Variants in TPD52 observed in about 807,000 individuals in gnomAD.
TPD52 encodes the protein prostate and colon associated protein.
In TPD52, 17 loss-of-function variants were observed where a neutral mutation model predicts 31.3. That is an observed-to-expected ratio of 0.54 (90% CI 0.37 to 0.82). The LOEUF (loss-of-function observed/expected upper bound fraction) is 0.82. TPD52 is among the 40% of genes least tolerant of loss of function. TPD52 has a pLI of 0.00. For missense variants in TPD52, 212 were observed against 240.1 expected (o/e 0.88, Z 0.77); for synonymous variants, 83 against 89.6 (o/e 0.93, Z 0.42).
chr8:80,128,448 A>T (rs190310267), intron 1 of TPD52, among the ~76,000 whole-genome samples: 1 of 143,658 alleles, frequency 7.0e-6, no homozygotes, highest in Admixed American at 7.1e-5. Context: ...TGAGCTCAGG[A>T]GTTCAAGACC....
chr8:80,091,130 G>T (rs1816224753), intron 1 of TPD52, among the ~76,000 whole-genome samples: 1 of 152,154 alleles, frequency 6.6e-6, no homozygotes, highest in Admixed American at 6.5e-5. Context: ...GAAGTCTCAA[G>T]AATGCCTGAA....
intron 7 of TPD52, among the ~76,000 whole-genome samples, chr8:80,040,585 T>C (rs1030181775): frequency 1.3e-5 from 2 of 152,210 alleles, no homozygotes; most frequent in African/African-American, 4.8e-5. Flanking sequence ...AATCTAAATA[T>C]ATTCAGGAGA....
intron 1 of TPD52, among the ~76,000 whole-genome samples, chr8:80,079,164 G>A (rs1814941182): frequency 6.6e-5 from 10 of 152,136 alleles, no homozygotes; most frequent in Admixed American, 5.2e-4. Context: ...GAAGGGGGCT[G>A]GGCAAAGGGG....
At chr8:80,063,939 G>A (rs1454180304) in intron 2 of TPD52, among the ~76,000 whole-genome samples, 12 of 125,984 alleles carry the variant, frequency 9.5e-5, no homozygotes, top group Non-Finnish European at 1.7e-4. Context: ...GAGGGGGGGC[G>A]GAAAGAGAAA....
chr8:80,098,573 G>A (rs1324960577), intron 1 of TPD52, among the ~76,000 whole-genome samples: 1 of 152,244 alleles, frequency 6.6e-6, no homozygotes, highest in Non-Finnish European at 1.5e-5. Context: ...CTGGATATGT[G>A]ATTGAATAGC....
chr8:80,097,215 G>A (rs1806401573), intron 1 of TPD52, among the ~76,000 whole-genome samples: 1 of 152,226 alleles, frequency 6.6e-6, no homozygotes, highest in African/African-American at 2.4e-5. Flanking sequence ...GCTAAGAAAG[G>A]TGAGGAAGCT....
intron 1 of TPD52, among the ~76,000 whole-genome samples, chr8:80,123,655 G>A (rs1465245884): frequency 6.6e-6 from 1 of 152,216 alleles, no homozygotes; most frequent in Non-Finnish European, 1.5e-5. Context: ...AGATTCTGAT[G>A]CTGGCGGGAA....
At chr8:80,155,385 C>G (rs1378746068) in intron 1 of TPD52, among the ~76,000 whole-genome samples, 1 of 152,084 alleles carries the variant, frequency 6.6e-6, no homozygotes, top group Non-Finnish European at 1.5e-5. Context: ...GCAAGTGCAA[C>G]AATGCAGAGG....
At chr8:80,107,811 T>C (rs1254070459) in intron 1 of TPD52, among the ~76,000 whole-genome samples, 3 of 152,196 alleles carry the variant, frequency 2.0e-5, no homozygotes, top group African/African-American at 7.2e-5. Flanking sequence ...AGCTAGTTTT[T>C]AAATTGTCGG....
chr8:80,143,653 G>T (rs557759214), intron 1 of TPD52, among the ~76,000 whole-genome samples: 8 of 152,258 alleles, frequency 5.3e-5, no homozygotes, highest in African/African-American at 1.9e-4. Context: ...TTAACAAAAT[G>T]TCCATCATTT....
In TPD52 at chr8:80,127,044, GGCTGCAGGGAGCTGAGA is replaced by G. The variant is rs1350032291; in HGVS notation, c.19+44364_19+44380del. On this transcript the variant is annotated intron_variant, in intron 1 of 7. Transcript: ENST00000518937. The stretch of plus-strand genomic sequence containing the variant: ...GGATCACCTGAGCTCAGGAGGCCAA[GGCTGCAGGGAGCTGAGA>G]TCATGCCACTGTATTCTAGAGCCTG... Among the ~76,000 whole-genome samples the G allele has an allele frequency of 2.0e-5, 3 of 151,990 alleles. No homozygotes were observed. In the East Asian group the frequency reaches 5.8e-4, roughly 29 times the overall value.
At chr8:80,121,248 A>G (rs948969713) in intron 1 of TPD52, among the ~76,000 whole-genome samples, 4 of 152,164 alleles carry the variant, frequency 2.6e-5, no homozygotes, top group Admixed American at 2.6e-4. Context: ...AATCATGTTA[A>G]CACTAAGGGT....
intron 1 of TPD52, among the ~76,000 whole-genome samples, chr8:80,092,559 T>C (rs898598109): frequency 1.3e-5 from 2 of 152,170 alleles, no homozygotes; most frequent in South Asian, 2.1e-4. Context: ...AAAATTGTGG[T>C]ATATATACAC....
intron 1 of TPD52, among the ~76,000 whole-genome samples, chr8:80,099,299 C>T (rs117698623): frequency 0.02 from 3,088 of 152,190 alleles, 55 homozygotes; most frequent in Non-Finnish European, 0.025. Flanking sequence ...ATATCAAATG[C>T]CATTATTAAT....
At chr8:80,116,764 T>C (rs903328227) in intron 1 of TPD52, among the ~76,000 whole-genome samples, 2 of 135,852 alleles carry the variant, frequency 1.5e-5, no homozygotes, top group Non-Finnish European at 3.1e-5. Context: ...AGCAAACCAT[T>C]ATCTAGGAAT....
chr8:80,125,994 G>A (rs1808573252), intron 1 of TPD52, among the ~76,000 whole-genome samples: 1 of 152,162 alleles, frequency 6.6e-6, no homozygotes, highest in Non-Finnish European at 1.5e-5. Context: ...AGGGGTGTAT[G>A]TTCACTCAGG....
At position 80,036,740 on chromosome 8, in the gene TPD52, A is replaced by G. The variant is rs1433906229; in HGVS notation, c.*1376T>C. The stretch of plus-strand genomic sequence containing the variant: ...CTGTGGCTTTTAAAATTTGGTTTTC[A>G]TAAGATAATTTATACTGAAGTAAAT... On this transcript the variant is annotated 3_prime_UTR_variant, in exon 8 of 8. Coordinates refer to ENST00000518937, the MANE Select transcript of TPD52 (RefSeq NM_001025253.3). The G allele has an allele frequency of 6.6e-6, 1 of 152,670 alleles. No homozygotes were observed. The highest frequency in any genetic ancestry group is 1.5e-5 in the Non-Finnish European group (1 of 68,032). 9.5% of individuals were successfully genotyped at this position (152,670 alleles called of 1,614,324 possible).
At chr8:80,051,669 G>C (rs1319536868) in intron 3 of TPD52, 41 bp from the exon 4 acceptor site, 1 of 1,472,692 alleles carries the variant, frequency 6.8e-7, no homozygotes, top group South Asian at 1.3e-5. Flanking sequence ...AGAAGGGTCA[G>C]CTCATCTTTT....
intron 1 of TPD52, among the ~76,000 whole-genome samples, chr8:80,072,784 T>TACACAC (rs760496029): frequency 2.1e-5 from 3 of 145,202 alleles, no homozygotes; most frequent in African/African-American, 8.3e-5. Context: ...TATATACACA[T>TACACAC]ACACACACAC....
Sources: allele counts gnomAD v4.1 joint callset (sites outside exome capture counted in the v4.1 genomes callset), GRCh38; gene constraint gnomAD v4.1.1; transcripts MANE v1.5; gene names NCBI Gene and HGNC (gene_info 2026-07-23, HGNC 2026-07-21).